The following GALNTL6 variants were observed in gnomAD, a reference collection of about 807,000 sequenced individuals.
GALNTL6 encodes polypeptide N-acetylgalactosaminyltransferase-like 6.
Under a neutral mutation model 73.7 loss-of-function variants are expected in GALNTL6, and 46 were observed. The ratio of observed to expected loss-of-function variants is 0.62; its 90% CI spans 0.49 to 0.80. The LOEUF is 0.80. Ranked by LOEUF, GALNTL6 falls within the 30% of genes least tolerant of loss-of-function variation. The probability of loss-of-function intolerance (pLI) is 0.00; values close to 1 mark genes in which losing one functional copy is unlikely to be tolerated. For synonymous variants in GALNTL6, 259 were observed against 263.7 expected (o/e 0.98, Z 0.17); for missense variants, 604 against 755.0 (o/e 0.80, Z 2.34).
rs576304057 is a variant in GALNTL6 at position 172,294,322 on chromosome 4, A to G, written c.248-17292A>G. ...ACTTCTCATGCTTCAAATGACATTT[A>G]AAATACTTCACTCATTATTGTATTG... On this transcript the variant is annotated intron_variant, in intron 3 of 12. Coordinates refer to ENST00000506823, the MANE Select transcript of GALNTL6 (RefSeq NM_001034845.3). 1.6e-3 allele frequency among the ~76,000 whole-genome samples: 246 copies of G among 152,270 alleles called. 2 individuals carry two copies. Among genetic ancestry groups the G allele is most frequent in the Non-Finnish European group, 3.1e-3 (210 of 68,018 alleles).
chr4:172,912,636 C>T (rs949001311), intron 8 of GALNTL6, among the ~76,000 whole-genome samples: 1 of 152,192 alleles, frequency 6.6e-6, no homozygotes, highest in African/African-American at 2.4e-5. Flanking sequence ...CAGTCCAAGA[C>T]CCAACTGAGA....
intron 5 of GALNTL6, among the ~76,000 whole-genome samples, chr4:172,701,853 A>G (rs1734049391): frequency 6.6e-6 from 1 of 152,124 alleles, no homozygotes; most frequent in Non-Finnish European, 1.5e-5. Flanking sequence ...AATAAATAAG[A>G]ATAAAAGAGA....
chr4:172,440,574 A>G (rs1399962247), intron 5 of GALNTL6, among the ~76,000 whole-genome samples: 2 of 152,150 alleles, frequency 1.3e-5, no homozygotes, highest in African/African-American at 4.8e-5. Flanking sequence ...GTCATTATAC[A>G]TTTACAACAT....
At chr4:172,965,791 T>G (rs1428467757) in intron 10 of GALNTL6, among the ~76,000 whole-genome samples, 1 of 152,196 alleles carries the variant, frequency 6.6e-6, no homozygotes, top group East Asian at 1.9e-4. Context: ...AAACAAAACA[T>G]TCTGTCTTAT....
chr4:172,382,847 A>C (rs1386997846), intron 5 of GALNTL6, among the ~76,000 whole-genome samples: 3 of 152,088 alleles, frequency 2.0e-5, no homozygotes, highest in Non-Finnish European at 4.4e-5. Context: ...TCAACCCATA[A>C]TTGGGTTGAA....
chr4:172,693,536 A>G (rs1008069186), intron 5 of GALNTL6, among the ~76,000 whole-genome samples: 3 of 152,166 alleles, frequency 2.0e-5, no homozygotes, highest in Non-Finnish European at 2.9e-5. Context: ...CACAAATTAA[A>G]TATCTCCCCA....
intron 5 of GALNTL6, among the ~76,000 whole-genome samples, chr4:172,406,205 A>AT (rs1198844619): frequency 6.6e-6 from 1 of 151,904 alleles, no homozygotes; most frequent in Non-Finnish European, 1.5e-5. Flanking sequence ...TTGTTTATTT[A>AT]TTTTGAGAGG....
intron 5 of GALNTL6, among the ~76,000 whole-genome samples, chr4:172,523,855 T>C (rs184852632): frequency 2.0e-5 from 3 of 152,304 alleles, no homozygotes; most frequent in East Asian, 3.9e-4. Flanking sequence ...ATAACATACC[T>C]ACACATAACA....
intron 2 of GALNTL6, among the ~76,000 whole-genome samples, chr4:171,851,640 T>C (rs1445667728): frequency 6.6e-6 from 1 of 152,180 alleles, no homozygotes; most frequent in Non-Finnish European, 1.5e-5. Flanking sequence ...TCTTTAGAAT[T>C]AACACAGAAA....
chr4:172,664,141 A>C (rs1055946660), intron 5 of GALNTL6, among the ~76,000 whole-genome samples: 1 of 152,164 alleles, frequency 6.6e-6, no homozygotes, highest in Non-Finnish European at 1.5e-5. Context: ...TTAGGCACAG[A>C]GAATGTTCCC....
chr4:172,441,979 A>G (rs1731853737), intron 5 of GALNTL6, among the ~76,000 whole-genome samples: 4 of 152,278 alleles, frequency 2.6e-5, no homozygotes, highest in South Asian at 2.1e-4. Flanking sequence ...ATCCAGCATC[A>G]GGGAAATGAT....
At chr4:172,624,063 TC>T (rs1440003042) in intron 5 of GALNTL6, among the ~76,000 whole-genome samples, 3 of 152,134 alleles carry the variant, frequency 2.0e-5, no homozygotes, top group Non-Finnish European at 4.4e-5. Flanking sequence ...ACTATATGGA[TC>T]ATCCAATATA....
chr4:172,453,842 A>G (rs546726281), intron 5 of GALNTL6, among the ~76,000 whole-genome samples: 1 of 152,338 alleles, frequency 6.6e-6, no homozygotes, highest in Non-Finnish European at 1.5e-5. Flanking sequence ...AGAGGCAAAT[A>G]AGTCCAGAGT....
chr4:171,980,791 C>T (rs1024598000), intron 2 of GALNTL6, among the ~76,000 whole-genome samples: 2 of 152,176 alleles, frequency 1.3e-5, no homozygotes, highest in Non-Finnish European at 2.9e-5. Context: ...CTTAAAGTCT[C>T]TATGACACAT....
intron 5 of GALNTL6, among the ~76,000 whole-genome samples, chr4:172,656,067 T>C (rs1168686662): frequency 1.3e-5 from 2 of 152,208 alleles, no homozygotes; most frequent in Admixed American, 1.3e-4. Context: ...ACTGGCTCAC[T>C]GCCCAAGGTA....
chr4:172,280,084 A>G (rs1284978021), intron 3 of GALNTL6, among the ~76,000 whole-genome samples: 2 of 152,202 alleles, frequency 1.3e-5, no homozygotes, highest in Non-Finnish European at 2.9e-5. Context: ...TAGGGGAGAA[A>G]GAAATGCAGA....
intron 5 of GALNTL6, among the ~76,000 whole-genome samples, chr4:172,540,370 GC>G (rs1735509215): frequency 6.6e-6 from 1 of 152,002 alleles, no homozygotes; most frequent in Admixed American, 6.6e-5. Context: ...AGTCAGCTGA[GC>G]ACCTGTGCAT....
chr4:172,408,240 C>T (rs757376523), intron 5 of GALNTL6, among the ~76,000 whole-genome samples: 7 of 151,916 alleles, frequency 4.6e-5, no homozygotes, highest in Non-Finnish European at 8.8e-5. Context: ...AGAATCCATT[C>T]GAGTGCTATC....
rs1363717525 is a variant in GALNTL6, at chr4:172,508,729, C to T, written c.553+160040C>T. Among the ~76,000 whole-genome samples, 3 of 51,992 alleles carry T rather than the reference C, an allele frequency of 5.8e-5. 1 individual carries two copies. Among genetic ancestry groups the T allele is most frequent in the African/African-American group, 1.5e-4 (3 of 20,614 alleles). The allele number at this position is 51,992 out of a possible 152,430, so 34.1% of individuals were successfully genotyped here. The stretch of plus-strand genomic sequence containing the variant: ...ATTCCATCCAGTTTGCTGTGAATGC[C>T]ATTATTTCATTTCCTTTTTATGTCT... On this transcript the variant is annotated intron_variant, in intron 5 of 12. Coordinates refer to ENST00000506823, the MANE Select transcript of GALNTL6 (RefSeq NM_001034845.3).
Sources: gnomAD v4.1 joint callset for allele counts (sites outside exome capture counted in the v4.1 genomes callset) on GRCh38, gnomAD v4.1.1 for gene constraint, MANE v1.5 for transcripts, NCBI Gene and HGNC (gene_info 2026-07-23, HGNC 2026-07-21) for gene names.